Variants in ZNF446 observed in about 807,000 individuals in gnomAD.
ZNF446 encodes zinc finger protein with KRAB and SCAN domains 20.
ZNF446 carries 42 observed loss-of-function variants against 34.0 expected under a neutral mutation model. The observed-to-expected ratio is 1.23, with a 90% CI of 0.96 to 1.60. The LOEUF is 1.60. Among genes scored for constraint, ZNF446 ranks in the 40% most tolerant of loss-of-function variants. ZNF446 has a pLI of 0.00. For synonymous variants in ZNF446, 315 were observed against 251.0 expected, an observed-to-expected ratio of 1.25 and a Z score of -2.41; for missense variants, 650 against 600.2, an observed-to-expected ratio of 1.08 and a Z score of -0.87.
chr19:58,485,427 T>C (rs577626692), downstream of ZNF446, among the ~76,000 whole-genome samples: 12 of 152,134 alleles, frequency 7.9e-5, no homozygotes, highest in African/African-American at 2.9e-4. Flanking sequence ...AGAGAATCAC[T>C]TGAACCCAGA....
chr19:58,480,647 G>A lies in ZNF446; in HGVS notation c.1274G>A (p.Cys425Tyr), dbSNP rs1012058289. 11 of 1,612,120 alleles carry A rather than the reference G, an allele frequency of 6.8e-6. No individual in the cohort carries two copies. The highest frequency in any genetic ancestry group is 1.6e-4 in the Middle Eastern group (1 of 6,084). ...CACACAGGCCAGCGGCGTCACTTCT[G>A]CAGTGACTGTGGCCGCGCCTTCGAC... ...KSHTGQRRHF[C>Y]SDCGRAFDWK... Residue 425 changes from cysteine to tyrosine, a missense_variant, in exon 7 of 7, where the codon TGC (cysteine) becomes TAC (tyrosine). Coordinates refer to ENST00000594369, the MANE Select transcript of ZNF446 (RefSeq NM_017908.4). The surrounding 1 kb of genome is among the most constrained non-coding windows in gnomAD (Gnocchi z 7.2).
Position 58,477,451 on chromosome 19 carries a change from T to A in ZNF446, c.233T>A (p.Leu78Gln). ...MLVLEQFLGTLPPEIQAWVRG... is the reference protein window; with the variant it reads ...MLVLEQFLGTQPPEIQAWVRG... The stretch of plus-strand genomic sequence containing the variant: ...GTGCTGGAGCAGTTCCTGGGCACAC[T>A]GCCTCCCGAGATCCAGGCCTGGGTG... Residue 78 changes from leucine to glutamine, a missense_variant, in exon 2 of 7, where the codon CTG (leucine) becomes CAG (glutamine). Coordinates refer to ENST00000594369, the MANE Select transcript of ZNF446 (RefSeq NM_017908.4). 6.2e-7 allele frequency: 1 copy of A among 1,613,602 alleles called. No homozygotes were observed. The highest frequency in any genetic ancestry group is 2.2e-5 in the East Asian group (1 of 44,874).
At position 58,480,161 on chromosome 19, in the gene ZNF446, T is replaced by C. The variant is rs767463989; in HGVS notation, c.803-15T>C. On this transcript the variant is annotated splice_polypyrimidine_tract_variant and intron_variant, in intron 6 of 6. Transcript: ENST00000594369. This position sits in a 1 kb window ranked among gnomAD's most constrained non-coding sequence, Gnocchi z 7.2. Reference sequence around the variant, plus strand: ...GCTGAGTGCCGGGACTCACCTGGTTTGCCCCTGCCCCCAGGAAATGAGAGT... The same window carrying C: ...GCTGAGTGCCGGGACTCACCTGGTTCGCCCCTGCCCCCAGGAAATGAGAGT... 1.9e-6 allele frequency: 3 copies of C among 1,587,734 alleles called. No individual in the cohort carries two copies. In the African/African-American group the frequency reaches 4.0e-5, roughly 21 times the overall value.
intron 4 of ZNF446, among the ~76,000 whole-genome samples, chr19:58,478,593 G>GGCAGAGGAT (rs940090748): frequency 6.6e-6 from 1 of 151,990 alleles, no homozygotes; most frequent in African/African-American, 2.4e-5. Context: ...GAACCCAGGA[G>GGCAGAGGAT]GCAGAGGATG....
chr19:58,484,108 G>A (rs1301748888), downstream of ZNF446, among the ~76,000 whole-genome samples: 1 of 151,794 alleles, frequency 6.6e-6, no homozygotes, highest in African/African-American at 2.4e-5. Context: ...TCTGGAGACC[G>A]GAAGTTAGAC....
Position 58,479,627 on chromosome 19 carries a change from T to C in ZNF446, c.628-16T>C. 3.1e-6 allele frequency: 5 copies of C among 1,613,008 alleles called. No individual in the cohort carries two copies. The South Asian group carries it at 4.4e-5, about 14-fold the overall frequency. ...AGGGGTGGAAAGACGCCTACAGTGATGGGCCACATCCGCAGGAGGAGTGGG... is the reference window on the plus strand; with the variant it reads ...AGGGGTGGAAAGACGCCTACAGTGACGGGCCACATCCGCAGGAGGAGTGGG... On this transcript the variant is annotated splice_polypyrimidine_tract_variant and intron_variant, in intron 4 of 6. Transcript: ENST00000594369.
In ZNF446 at chr19:58,479,918, C is replaced by G. The variant is rs1473223547; in HGVS notation, c.713-12C>G. 4 of 1,559,628 alleles carry G rather than the reference C, an allele frequency of 2.6e-6. No homozygotes were observed. In the East Asian group the frequency reaches 7.1e-5, roughly 28 times the overall value. On this transcript the variant is annotated splice_polypyrimidine_tract_variant and intron_variant, in intron 5 of 6. Coordinates refer to ENST00000594369, the MANE Select transcript of ZNF446 (RefSeq NM_017908.4). ...CAAACCCCATGCCTAACTGTGCCCC[C>G]CACCCGGGCAGGGTTACCGCCCCAC...
intron 4 of ZNF446, 133 bp downstream of exon 4, chr19:58,478,314 A>C (rs921394566): frequency 1.3e-6 from 1 of 762,958 alleles, no homozygotes; most frequent in African/African-American, 1.8e-5. Flanking sequence ...AGTCTGTAAA[A>C]GCTGTACCCC....
downstream of ZNF446, among the ~76,000 whole-genome samples, chr19:58,482,806 GAGA>G (rs138796571): frequency 1.3e-3 from 194 of 152,328 alleles, 3 homozygotes; most frequent in East Asian, 0.031. Context: ...GCTGGGGACA[GAGA>G]AGAAGAAGAC....
the ZNF446 span, among the ~76,000 whole-genome samples, chr19:58,486,825 C>A: frequency 6.6e-6 from 1 of 151,320 alleles, no homozygotes; most frequent in Non-Finnish European, 1.5e-5. Flanking sequence ...TTTTTTGAGA[C>A]GGAGTCTCAC....
chr19:58,478,322 C>G lies in ZNF446; in HGVS notation c.627+141C>G, dbSNP rs550089034. On this transcript the variant is annotated intron_variant, in intron 4 of 6. Coordinates refer to ENST00000594369, the MANE Select transcript of ZNF446 (RefSeq NM_017908.4). ...GAAGTGGAGTCTGTAAAAGCTGTAC[C>G]CCTCCACAGGACCTGGGGCAGAGGG... 2.4e-5 allele frequency: 17 copies of G among 715,292 alleles called. No homozygotes were observed. The African/African-American group carries it at 2.9e-4, about 12-fold the overall frequency. 44.3% of individuals were successfully genotyped at this position (715,292 alleles called of 1,614,324 possible).
Position 58,477,402 on chromosome 19 carries a change from A to C in ZNF446, c.184A>C (p.Lys62Gln), listed in dbSNP as rs1277754471. The change falls in exon 2 of 7, where the codon AAG becomes CAG. Residue 62 changes from lysine (K) to glutamine (Q), a missense_variant. Lys to Gln is a moderately conservative substitution (Grantham distance 53). Transcript: ENST00000594369. ...CQWLQPEAHS[K>Q]EQMLEMLVLE... ...GTGGCTGCAGCCTGAGGCACACTCC[A>C]AGGAGCAGATGCTGGAGATGCTGGT... 6.2e-7 allele frequency: 1 copy of C among 1,613,348 alleles called. No homozygotes were observed.
rs767518404 is a variant in ZNF446, at chr19:58,480,524, AC to A, written c.1156del (p.Arg386AspfsTer228). The A allele has an allele frequency of 1.9e-6, 3 of 1,611,604 alleles. No individual in the cohort carries two copies. The highest frequency in any genetic ancestry group is 2.7e-5 in the African/African-American group (2 of 74,570). Reference protein sequence around the residue: ...PPQGEVAFPHHPRRSLTGPRS... With the variant: ...PPQGEVAFPHXPRRSLTGPRS... ...CAAGGGGAGGTGGCCTTTCCGCACC[AC>A]CCCCGACGCTCACTCACAGGCCCCC... On this transcript the variant is annotated frameshift_variant, in exon 7 of 7. Coordinates refer to ENST00000594369, the MANE Select transcript of ZNF446 (RefSeq NM_017908.4). LOFTEE classifies it low-confidence loss of function (END_TRUNC). This position sits in a 1 kb window ranked among gnomAD's most constrained non-coding sequence, Gnocchi z 7.2.
chr19:58,480,678 G>C lies in ZNF446; in HGVS notation c.1305G>C (p.Lys435Asn). The C allele has an allele frequency of 6.2e-7, 1 of 1,610,042 alleles. No individual in the cohort carries two copies. Among genetic ancestry groups the C allele is most frequent in the Non-Finnish European group, 8.5e-7 (1 of 1,179,726 alleles). ...ACTGTGGCCGCGCCTTCGACTGGAA[G>C]TCGCAGCTGGTCATCCACCGCAAGG... ...CSDCGRAFDW[K>N]SQLVIHRKGH... Residue 435 changes from lysine (K) to asparagine (N), a missense_variant, in exon 7 of 7, where the codon AAG (lysine) becomes AAC (asparagine). Physicochemically the swap from Lys to Asn is moderately conservative, Grantham distance 94 (BLOSUM62 0). Transcript: ENST00000594369. This position sits in a 1 kb window ranked among gnomAD's most constrained non-coding sequence, Gnocchi z 7.2.
intron 4 of ZNF446, among the ~76,000 whole-genome samples, chr19:58,478,954 C>CCT (rs2053113756): frequency 6.6e-6 from 1 of 152,166 alleles, no homozygotes; most frequent in Admixed American, 6.5e-5. Context: ...TCAGAGGCCA[C>CCT]CTGTTAGGCC....
downstream of ZNF446, among the ~76,000 whole-genome samples, chr19:58,482,991 A>G (rs2053150329): frequency 1.3e-5 from 2 of 152,230 alleles, no homozygotes; most frequent in South Asian, 2.1e-4. Context: ...AAAATTTGAA[A>G]TACACAAGAT....
At chr19:58,483,814 T>C (rs1327081271), downstream of ZNF446, 1 of 152,198 alleles carries the variant, frequency 6.6e-6, no homozygotes, top group Non-Finnish European at 1.5e-5. Context: ...ATCATTCCAA[T>C]TTTAGTGTAT....
chr19:58,487,735 G>GGA, the ZNF446 span, among the ~76,000 whole-genome samples: 1 of 152,302 alleles, frequency 6.6e-6, no homozygotes, highest in African/African-American at 2.4e-5. Flanking sequence ...CATCAACCCA[G>GGA]GAGGTGGAGG....
At position 58,480,305 on chromosome 19, in the gene ZNF446, T is replaced by A; in HGVS notation, c.932T>A (p.Val311Glu). 6.3e-7 allele frequency: 1 copy of A among 1,580,460 alleles called. No individual in the cohort carries two copies. Among genetic ancestry groups the A allele is most frequent in the South Asian group, 1.1e-5 (1 of 87,496 alleles). ...ACTGTGCGCCCAGGGACACCGCCAG[T>A]GCCCACTCAGCCCACACCTGCAGAG... The part of the protein sequence containing the change: ...APTVRPGTPP[V>E]PTQPTPAETR... Residue 311 changes from valine to glutamate, a missense_variant, in exon 7 of 7, where the codon GTG becomes GAG. Transcript: ENST00000594369. The surrounding 1 kb of genome is among the most constrained non-coding windows in gnomAD (Gnocchi z 7.2).
Sources: allele counts gnomAD v4.1 joint callset (sites outside exome capture counted in the v4.1 genomes callset), GRCh38; gene constraint gnomAD v4.1.1; non-coding constraint Gnocchi (gnomAD v3.1); transcripts MANE v1.5; gene names NCBI Gene and HGNC (gene_info 2026-07-23, HGNC 2026-07-21).